Variants in CDC73 observed in about 807,000 individuals in gnomAD.
CDC73 encodes parafibromin.
A neutral mutation model predicts 83.7 loss-of-function variants in CDC73; 21 were observed. The observed-to-expected ratio is 0.25, with a 90% CI of 0.18 to 0.36. The LOEUF (loss-of-function observed/expected upper bound fraction) is 0.36. Ranked by LOEUF, CDC73 falls within the 10% of genes least tolerant of loss-of-function variation. The probability of loss-of-function intolerance (pLI) is 1.00; values close to 1 mark genes in which losing one functional copy is unlikely to be tolerated. For synonymous variants in CDC73, 224 were observed against 212.9 expected (o/e 1.05, Z -0.45); for missense variants, 342 against 653.3 (o/e 0.52, Z 5.19).
rs1394263131 is a variant in CDC73, at chr1:193,145,952, T to C, written c.730-1915T>C. Among the ~76,000 whole-genome samples the C allele has an allele frequency of 3.9e-5, 6 of 152,178 alleles. No individual in the cohort carries two copies. In the East Asian group the frequency reaches 1.2e-3, roughly 29 times the overall value. ...TCAATATTAAATAAGCGGTAATTAT[T>C]ACGTACATTATAGGGCAGACACCCA... On this transcript the variant is annotated intron_variant, in intron 7 of 16. Transcript: ENST00000367435.
intron 16 of CDC73, among the ~76,000 whole-genome samples, chr1:193,250,318 A>G (rs1678024741): frequency 1.3e-5 from 2 of 151,862 alleles, no homozygotes; most frequent in Non-Finnish European, 2.9e-5. Context: ...AAAGCCCTTT[A>G]CATTAATAAC....
intron 12 of CDC73, 30 bp from the exon 13 acceptor site, chr1:193,212,360 A>G (rs781360812): frequency 1.5e-5 from 20 of 1,298,280 alleles, no homozygotes; most frequent in African/African-American, 2.9e-5. Flanking sequence ...CTAATAATAT[A>G]TTTTCTACCT....
At chr1:193,135,326 T>C in intron 3 of CDC73, 65 bp from the exon 4 acceptor site, 16 of 1,310,358 alleles carry the variant, frequency 1.2e-5, no homozygotes, top group Non-Finnish European at 1.8e-5. Flanking sequence ...AGCATTTCAC[T>C]TGTAATAATA....
intron 13 of CDC73, among the ~76,000 whole-genome samples, chr1:193,213,888 A>G (rs1005440452): frequency 1.9e-4 from 29 of 152,222 alleles, no homozygotes; most frequent in Non-Finnish European, 1.0e-4. Flanking sequence ...TTTCTAGTCC[A>G]TCTGGGTAGT....
At chr1:193,155,016 G>T (rs921985560) in intron 10 of CDC73, among the ~76,000 whole-genome samples, 6 of 152,150 alleles carry the variant, frequency 3.9e-5, no homozygotes, top group African/African-American at 1.4e-4. Flanking sequence ...ATGCCTGGTT[G>T]ATGTACATAG....
chr1:193,250,622 T>C (rs1678029699), intron 16 of CDC73, 54 bp from the exon 17 acceptor site: 3 of 1,339,524 alleles, frequency 2.2e-6, no homozygotes, highest in Non-Finnish European at 3.2e-6. Flanking sequence ...TGCATTATTC[T>C]AAAAATTCTA....
chr1:193,218,931 C>A (rs1677416119), intron 13 of CDC73, among the ~76,000 whole-genome samples: 1 of 152,172 alleles, frequency 6.6e-6, no homozygotes. Flanking sequence ...CAAAAAGCTT[C>A]TGCCCAGCAA....
intron 11 of CDC73, among the ~76,000 whole-genome samples, chr1:193,210,246 A>G (rs1012575709): frequency 3.3e-5 from 5 of 152,228 alleles, no homozygotes; most frequent in Non-Finnish European, 7.3e-5. Flanking sequence ...AGAGAGCTAT[A>G]TAAAGGATTA....
chr1:193,151,817 G>A lies in CDC73; in HGVS notation c.908-563G>A, dbSNP rs190829153. ...TGCATGCCAGTGGTCCTAGCTACTC[G>A]GGAGGCTGAGGTGGGAGGATTGCTT... On this transcript the variant is annotated intron_variant, in intron 9 of 16. Transcript: ENST00000367435. 1.2e-4 allele frequency among the ~76,000 whole-genome samples: 18 copies of A among 152,172 alleles called. 1 individual carries two copies. In the East Asian group the frequency reaches 2.9e-3, roughly 25 times the overall value.
At chr1:193,131,943 T>C (rs987775216) in intron 3 of CDC73, among the ~76,000 whole-genome samples, 1 of 152,260 alleles carries the variant, frequency 6.6e-6, no homozygotes, top group Non-Finnish European at 1.5e-5. Flanking sequence ...TCTGTTTATG[T>C]ACATAGTGTC....
intron 2 of CDC73, among the ~76,000 whole-genome samples, chr1:193,128,599 C>G (rs1675629541): frequency 6.6e-6 from 1 of 152,158 alleles, no homozygotes; most frequent in Non-Finnish European, 1.5e-5. Flanking sequence ...ACCACCATGC[C>G]TGGCCTAGGC....
intron 10 of CDC73, among the ~76,000 whole-genome samples, chr1:193,185,593 A>C (rs1676793227): frequency 6.6e-6 from 1 of 152,058 alleles, no homozygotes; most frequent in Non-Finnish European, 1.5e-5. Context: ...TTTCCTTGCT[A>C]CTATTTAATG....
At chr1:193,135,507 C>T (rs2103121599) in intron 4 of CDC73, 30 bp from the exon 5 acceptor site, 1 of 1,611,644 alleles carries the variant, frequency 6.2e-7, no homozygotes, top group Middle Eastern at 1.7e-4. Flanking sequence ...TCCAAAACTA[C>T]ACATTTATTT....
intron 1 of CDC73, among the ~76,000 whole-genome samples, chr1:193,123,470 G>C (rs1572140974): frequency 6.6e-6 from 1 of 152,284 alleles, no homozygotes; most frequent in East Asian, 1.9e-4. Context: ...CAAATAATCT[G>C]CCCGCCTCCA....
chr1:193,192,271 C>A (rs1452951659), intron 10 of CDC73, among the ~76,000 whole-genome samples: 1 of 152,076 alleles, frequency 6.6e-6, no homozygotes, highest in Non-Finnish European at 1.5e-5. Context: ...GGCAAAACCC[C>A]ATCTCTACTA....
intron 2 of CDC73, among the ~76,000 whole-genome samples, chr1:193,129,790 G>A (rs772467313): frequency 7.2e-5 from 11 of 152,132 alleles, no homozygotes; most frequent in Non-Finnish European, 1.5e-4. Context: ...TGGGATTCTA[G>A]GTGTGAGCCA....
chr1:193,203,200 A>G (rs1016061511), intron 10 of CDC73, among the ~76,000 whole-genome samples: 3 of 152,154 alleles, frequency 2.0e-5, no homozygotes, highest in Non-Finnish European at 2.9e-5. Context: ...TTCCATGTAC[A>G]TCTTACATTT....
chr1:193,129,160 G>A (rs1675644787), intron 2 of CDC73, among the ~76,000 whole-genome samples: 1 of 151,972 alleles, frequency 6.6e-6, no homozygotes, highest in African/African-American at 2.4e-5. Flanking sequence ...ACCGCGCCTA[G>A]CTAATTTTTG....
At chr1:193,211,113 A>C (rs1223298185) in intron 11 of CDC73, among the ~76,000 whole-genome samples, 1 of 152,152 alleles carries the variant, frequency 6.6e-6, no homozygotes. Flanking sequence ...AGTGCCTGGC[A>C]TTGTAATACA....
Sources: allele counts gnomAD v4.1 joint callset (sites outside exome capture counted in the v4.1 genomes callset), GRCh38; gene constraint gnomAD v4.1.1; transcripts MANE v1.5; gene names NCBI Gene and HGNC (gene_info 2026-07-23, HGNC 2026-07-21).